MSN: variants seen among roughly 807,000 people sequenced by gnomAD.
MSN encodes the protein epididymis luminal protein 70.
In MSN, 2 loss-of-function variants were observed where a neutral mutation model predicts 48.0. The observed-to-expected ratio is 0.04, with a 90% confidence interval of 0.02 to 0.13. MSN has a LOEUF of 0.13. Ranked by LOEUF, MSN falls within the 10% of genes least tolerant of loss-of-function variation. The pLI is 1.00. For synonymous variants in MSN, 146 were observed against 166.9 expected (o/e 0.87, Z 0.97); for missense variants, 267 against 470.1 (o/e 0.57, Z 3.99).
At chrX:65,660,172 G>A (rs2070811275) in intron 1 of MSN, among the ~76,000 whole-genome samples, 1 of 112,114 alleles carries the variant, frequency 8.9e-6, no homozygotes. Context: ...ACAATGTCTA[G>A]CTATTGACCA....
At chrX:65,664,068 A>G (rs1250849941), upstream of MSN, among the ~76,000 whole-genome samples, 3 of 110,506 alleles carry the variant, frequency 2.7e-5, no homozygotes, top group Non-Finnish European at 5.7e-5. Flanking sequence ...TCAAAAAAAA[A>G]AAAAAAAGAA....
intron 1 of MSN, among the ~76,000 whole-genome samples, chrX:65,618,100 A>C (rs1174241354): frequency 9.0e-6 from 1 of 111,449 alleles, no homozygotes; most frequent in Non-Finnish European, 1.9e-5. Flanking sequence ...GTTCTTTTAC[A>C]TTTGCTGAGG....
chrX:65,717,108 A>T (rs111400429), intron 2 of MSN, among the ~76,000 whole-genome samples: 1,846 of 111,836 alleles, frequency 0.017, 43 homozygotes, highest in African/African-American at 0.057. Flanking sequence ...GATTAATTTT[A>T]TCTTTGGTCC....
intron 1 of MSN, among the ~76,000 whole-genome samples, chrX:65,651,552 G>T (rs1206603635): frequency 2.1e-5 from 2 of 94,842 alleles, no homozygotes; most frequent in East Asian, 3.0e-4. Flanking sequence ...GGCAAGGAAA[G>T]AAGTAATATT....
At chrX:65,619,963 G>A (rs374561069) in intron 1 of MSN, among the ~76,000 whole-genome samples, 15 of 110,242 alleles carry the variant, frequency 1.4e-4, no homozygotes, top group African/African-American at 3.7e-4. Context: ...TGGAGTACCC[G>A]GCCGTGTGAG....
intron 1 of MSN, among the ~76,000 whole-genome samples, chrX:65,594,374 A>G (rs1263507232): frequency 9.2e-6 from 1 of 108,803 alleles, no homozygotes; most frequent in African/African-American, 3.4e-5. Context: ...AGAAGACTGT[A>G]CCCTGTTCTA....
Position 65,739,048 on chromosome X carries a change from C to T in MSN, c.1423C>T (p.Pro475Ser). 2 of 1,211,678 alleles carry T rather than the reference C, an allele frequency of 1.7e-6. No individual in the cohort carries two copies. Among genetic ancestry groups the T allele is most frequent in the South Asian group, 1.8e-5 (1 of 56,935 alleles). ...TAMSTPHVAE[P>S]AENEQDEQDE... ...CATGAGTACACCTCATGTGGCAGAGCCTGCTGAGAATGAGCAGGATGAGCA... is the reference window on the plus strand; with the variant it reads ...CATGAGTACACCTCATGTGGCAGAGTCTGCTGAGAATGAGCAGGATGAGCA... Residue 475 changes from proline to serine, a missense_variant, in exon 12 of 13, where the codon CCT (proline) becomes TCT (serine). By Grantham distance (74) the Pro-to-Ser change is moderately conservative. Coordinates refer to ENST00000360270, the MANE Select transcript of MSN (RefSeq NM_002444.3).
intron 1 of MSN, among the ~76,000 whole-genome samples, chrX:65,597,702 T>C (rs1254355379): frequency 8.9e-6 from 1 of 111,889 alleles, no homozygotes; most frequent in African/African-American, 3.3e-5. Flanking sequence ...TTTTCAGAGA[T>C]TGATTAGGAG....
intron 2 of MSN, 38 bp from the exon 3 acceptor site, chrX:65,727,776 T>G (rs755582628): frequency 2.7e-6 from 3 of 1,102,450 alleles, no homozygotes; most frequent in Non-Finnish European, 1.3e-6. Flanking sequence ...AGAGGAAGTA[T>G]TCAATCAATG....
intron 1 of MSN, among the ~76,000 whole-genome samples, chrX:65,713,216 A>G (rs1284346437): frequency 1.8e-5 from 2 of 111,342 alleles, no homozygotes; most frequent in African/African-American, 6.5e-5. Context: ...ATCTATTTGT[A>G]AAGGTGGTAT....
intron 1 of MSN, among the ~76,000 whole-genome samples, chrX:65,603,647 A>C (rs936917615): frequency 1.4e-4 from 16 of 112,458 alleles, no homozygotes; most frequent in Non-Finnish European, 1.9e-5. Flanking sequence ...AATGGCTACC[A>C]TGTTGGACAG....
At chrX:65,648,111 G>C (rs187665142) in intron 1 of MSN, among the ~76,000 whole-genome samples, 2 of 106,160 alleles carry the variant, frequency 1.9e-5, no homozygotes, top group African/African-American at 6.9e-5. Flanking sequence ...GAACTTAGCA[G>C]TGGGTTGAAA....
At chrX:65,692,874 T>G (rs1275784586) in intron 1 of MSN, among the ~76,000 whole-genome samples, 1 of 111,273 alleles carries the variant, frequency 9.0e-6, no homozygotes, top group Non-Finnish European at 1.9e-5. Context: ...GATACGAGGT[T>G]TCGCCATATT....
At chrX:65,715,052 C>A (rs1198927867) in intron 1 of MSN, among the ~76,000 whole-genome samples, 1 of 111,915 alleles carries the variant, frequency 8.9e-6, no homozygotes, top group Non-Finnish European at 1.9e-5. Flanking sequence ...AACCAGTTAT[C>A]CCAGCACTGT....
intron 1 of MSN, among the ~76,000 whole-genome samples, chrX:65,680,995 C>T (rs1305351512): frequency 5.4e-5 from 6 of 110,948 alleles, no homozygotes; most frequent in Non-Finnish European, 1.1e-4. Context: ...AAGTGATCCA[C>T]CCACCTCAGC....
chrX:65,683,780 A>C (rs1354331109), intron 1 of MSN, among the ~76,000 whole-genome samples: 1 of 111,308 alleles, frequency 9.0e-6, no homozygotes, highest in Non-Finnish European at 1.9e-5. Context: ...TTTTGGATTA[A>C]TTTTTCATTA....
At chrX:65,618,466 C>G (rs1318144657) in intron 1 of MSN, among the ~76,000 whole-genome samples, 1 of 111,235 alleles carries the variant, frequency 9.0e-6, no homozygotes, top group Non-Finnish European at 1.9e-5. Context: ...ATGTAATGGC[C>G]TTCTTTGTCT....
rs759988981 is a variant in MSN at position 65,658,973 on chromosome X, T to C, written c.-21-57845T>C. Among the ~76,000 whole-genome samples, 34 of 106,320 alleles carry C rather than the reference T, an allele frequency of 3.2e-4. No individual in the cohort carries two copies. The Middle Eastern group carries it at 0.02, about 62-fold the overall frequency. 92.3% of individuals were successfully genotyped at this position (106,320 alleles called of 115,157 possible). On this transcript the variant is annotated intron_variant, in intron 1 of 3. Transcript: ENST00000609672. ...GATTCTCCTGCCTCAGCCTCCGGAG[T>C]AGCTGGGATTACAGGCATGTGCCAC...
At chrX:65,642,432 A>T (rs1481242142) in intron 1 of MSN, among the ~76,000 whole-genome samples, 1 of 108,714 alleles carries the variant, frequency 9.2e-6, no homozygotes, top group Admixed American at 1.0e-4. Flanking sequence ...GGAAGAAAGG[A>T]GGTACATTGG....
Sources: allele counts gnomAD v4.1 joint callset (sites outside exome capture counted in the v4.1 genomes callset), GRCh38; gene constraint gnomAD v4.1.1; transcripts MANE v1.5; gene names NCBI Gene and HGNC (gene_info 2026-07-23, HGNC 2026-07-21).